Variants in AP2B1 observed in about 807,000 individuals in gnomAD.
The protein encoded by AP2B1 is adaptor related protein complex 2 subunit beta 1.
A neutral mutation model predicts 102.0 loss-of-function variants in AP2B1; 23 were observed. That is an observed-to-expected ratio of 0.23 (90% CI 0.16 to 0.32). AP2B1 has a LOEUF of 0.32. AP2B1 is among the 10% of genes least tolerant of loss of function. AP2B1 has a pLI of 1.00. For missense variants in AP2B1, 541 were observed against 1,157.4 expected (o/e 0.47, Z 7.73); for synonymous variants, 381 against 421.2 (o/e 0.90, Z 1.17).
At chr17:35,711,051 G>A (rs935477221) in intron 20 of AP2B1, among the ~76,000 whole-genome samples, 1 of 152,164 alleles carries the variant, frequency 6.6e-6, no homozygotes, top group Admixed American at 6.5e-5. Flanking sequence ...CATGAAAGGG[G>A]TATCCCAAGA....
At chr17:35,610,146 A>ATTTTTTC (rs1016459653) in intron 5 of AP2B1, among the ~76,000 whole-genome samples, 10 of 150,338 alleles carry the variant, frequency 6.7e-5, no homozygotes, top group African/African-American at 2.4e-4. Flanking sequence ...CCTTTTATTT[A>ATTTTTTC]TTTTTTATTT....
intron 18 of AP2B1, among the ~76,000 whole-genome samples, chr17:35,699,716 G>A (rs2076206730): frequency 6.6e-6 from 1 of 152,100 alleles, no homozygotes; most frequent in African/African-American, 2.4e-5. Context: ...GTTTTGTCAG[G>A]GTCTCTGAGA....
intron 18 of AP2B1, among the ~76,000 whole-genome samples, chr17:35,687,443 C>T (rs2075959584): frequency 6.6e-6 from 1 of 152,088 alleles, no homozygotes; most frequent in South Asian, 2.1e-4. Context: ...TTAGATATTC[C>T]TGTACATGTC....
intron 18 of AP2B1, among the ~76,000 whole-genome samples, chr17:35,707,613 CA>C (rs2076371041): frequency 6.6e-6 from 1 of 152,058 alleles, no homozygotes; most frequent in African/African-American, 2.4e-5. Flanking sequence ...CCTCCACGCC[CA>C]GCTAATTTTT....
intron 18 of AP2B1, among the ~76,000 whole-genome samples, chr17:35,705,783 A>G (rs1401563979): frequency 6.6e-6 from 1 of 152,014 alleles, no homozygotes; most frequent in Non-Finnish European, 1.5e-5. Context: ...CAGCTTCCCA[A>G]GGCTCACATG....
At chr17:35,639,166 CA>C (rs1163422967) in intron 10 of AP2B1, among the ~76,000 whole-genome samples, 1 of 152,024 alleles carries the variant, frequency 6.6e-6, no homozygotes, top group Non-Finnish European at 1.5e-5. Flanking sequence ...CCCATCTCTA[CA>C]AAAAAATTTT....
intron 4 of AP2B1, 78 bp downstream of exon 4, chr17:35,605,918 G>A (rs1196214860): frequency 1.3e-6 from 2 of 1,554,336 alleles, no homozygotes; most frequent in Admixed American, 3.9e-5. Context: ...GGAGTGTAGG[G>A]AAGTGTTGGC....
intron 9 of AP2B1, among the ~76,000 whole-genome samples, chr17:35,632,282 G>T (rs1344940381): frequency 6.6e-6 from 1 of 151,842 alleles, no homozygotes. Context: ...TTACAGACAT[G>T]CACCACCATG....
At chr17:35,716,548 C>T (rs928313961) in intron 20 of AP2B1, among the ~76,000 whole-genome samples, 2 of 151,652 alleles carry the variant, frequency 1.3e-5, no homozygotes, top group African/African-American at 2.4e-5. Context: ...CAGTTTGTTT[C>T]GTTATTATTT....
rs587767607 is a variant in AP2B1 at position 35,680,958 on chromosome 17, G to A, written c.2325-1737G>A. On this transcript the variant is annotated intron_variant, in intron 17 of 21. Coordinates refer to ENST00000610402, the MANE Select transcript of AP2B1 (RefSeq NM_001030006.2). ...GATCCGCCCGCTGCAGCCTCCCAAAGTGCTGAGACTACAATTGTGAGCCAC... is the reference window on the plus strand; with the variant it reads ...GATCCGCCCGCTGCAGCCTCCCAAAATGCTGAGACTACAATTGTGAGCCAC... Among the ~76,000 whole-genome samples, 8 of 152,174 alleles carry A rather than the reference G, an allele frequency of 5.3e-5. No individual in the cohort carries two copies. In the South Asian group the frequency reaches 1.7e-3, roughly 32 times the overall value.
intron 17 of AP2B1, among the ~76,000 whole-genome samples, chr17:35,676,149 G>T (rs2075697168): frequency 6.6e-6 from 1 of 152,192 alleles, no homozygotes; most frequent in African/African-American, 2.4e-5. Context: ...TAAATTGGAG[G>T]CAGATTATAG....
At chr17:35,682,334 CTTT>C (rs587645888) in intron 17 of AP2B1, among the ~76,000 whole-genome samples, 27 of 72,068 alleles carry the variant, frequency 3.7e-4, no homozygotes, top group African/African-American at 1.5e-3. Context: ...AATCCTGCCT[CTTT>C]TTTTTTTTTT....
At chr17:35,622,838 A>T (rs1030310937) in intron 5 of AP2B1, among the ~76,000 whole-genome samples, 5 of 151,782 alleles carry the variant, frequency 3.3e-5, no homozygotes, top group African/African-American at 1.2e-4. Flanking sequence ...CTAATTTTTT[A>T]TATTTTTAGT....
intron 18 of AP2B1, among the ~76,000 whole-genome samples, chr17:35,685,027 TA>T (rs1335349029): frequency 6.6e-6 from 1 of 152,236 alleles, no homozygotes; most frequent in East Asian, 1.9e-4. Flanking sequence ...TCCTCAAAAG[TA>T]TTGATGTGAT....
chr17:35,637,959 T>C (rs2074657936), intron 10 of AP2B1, among the ~76,000 whole-genome samples: 1 of 152,112 alleles, frequency 6.6e-6, no homozygotes, highest in Admixed American at 6.5e-5. Context: ...GTGCTAGGAT[T>C]ATGGGCATGA....
chr17:35,601,219 T>G (rs986621200), intron 3 of AP2B1: 3 of 152,862 alleles, frequency 2.0e-5, no homozygotes, highest in African/African-American at 7.2e-5. Context: ...AAAATAATAG[T>G]TAAGTATAAT....
intron 10 of AP2B1, 64 bp downstream of exon 10, chr17:35,636,520 A>G: frequency 8.1e-7 from 1 of 1,238,850 alleles, no homozygotes; most frequent in South Asian, 1.2e-5. Flanking sequence ...GGCACTTTGA[A>G]ATTGCCTAGG....
At chr17:35,713,184 C>T (rs1226195424) in intron 20 of AP2B1, among the ~76,000 whole-genome samples, 2 of 152,244 alleles carry the variant, frequency 1.3e-5, no homozygotes, top group African/African-American at 4.8e-5. Context: ...AGAGCAAATT[C>T]AGTTTTGATC....
At chr17:35,670,831 T>C (rs2075571151) in intron 14 of AP2B1, 26 bp from the exon 15 acceptor site, 2 of 1,612,760 alleles carry the variant, frequency 1.2e-6, no homozygotes, top group Admixed American at 1.7e-5. Flanking sequence ...TACCTCTCTC[T>C]CCTCTCTCTC....
Sources: gnomAD v4.1 joint callset for allele counts (sites outside exome capture counted in the v4.1 genomes callset) on GRCh38, gnomAD v4.1.1 for gene constraint, MANE v1.5 for transcripts, NCBI Gene and HGNC (gene_info 2026-07-23, HGNC 2026-07-21) for gene names.